Variants in ARHGAP44 observed in about 807,000 individuals in gnomAD.
ARHGAP44 encodes rho GTPase-activating protein 44.
ARHGAP44 carries 43 observed loss-of-function variants against 106.8 expected under a neutral mutation model. That is an observed-to-expected ratio of 0.40 (90% CI 0.32 to 0.52). The LOEUF (loss-of-function observed/expected upper bound fraction) is 0.52. ARHGAP44 is among the 20% of genes least tolerant of loss of function. ARHGAP44 has a pLI of 0.48. For synonymous variants in ARHGAP44, 439 were observed against 410.3 expected (o/e 1.07, Z -0.85); for missense variants, 866 against 1,050.5 (o/e 0.82, Z 2.43).
intron 1 of ARHGAP44, among the ~76,000 whole-genome samples, chr17:12,851,821 C>T (rs1462887474): frequency 2.0e-5 from 3 of 152,040 alleles, no homozygotes; most frequent in Non-Finnish European, 2.9e-5. Flanking sequence ...AAGTCATGAA[C>T]GCTTTTGTGT....
At chr17:12,794,588 C>G (rs1027173321) in intron 1 of ARHGAP44, among the ~76,000 whole-genome samples, 4 of 152,086 alleles carry the variant, frequency 2.6e-5, no homozygotes, top group African/African-American at 9.6e-5. Flanking sequence ...TGTGGGTGTG[C>G]GGGAAGGAGA....
chr17:12,833,953 A>ATT (rs140967569), intron 1 of ARHGAP44, among the ~76,000 whole-genome samples: 1 of 143,662 alleles, frequency 7.0e-6, no homozygotes. Flanking sequence ...TAGATTGTGA[A>ATT]TTTTTTTTTT....
intron 1 of ARHGAP44, among the ~76,000 whole-genome samples, chr17:12,833,373 C>T (rs916969822): frequency 2.0e-5 from 3 of 152,116 alleles, no homozygotes; most frequent in Non-Finnish European, 4.4e-5. Flanking sequence ...GAAGCTGATA[C>T]CCAACTAGCT....
At chr17:12,944,654 T>TG (rs1462340934) in intron 10 of ARHGAP44, among the ~76,000 whole-genome samples, 3 of 145,822 alleles carry the variant, frequency 2.1e-5, no homozygotes, top group Non-Finnish European at 3.0e-5. Flanking sequence ...CCCAGCTAAT[T>TG]TTTTTTTTTT....
At chr17:12,889,983 T>G (rs1472732198) in intron 1 of ARHGAP44, among the ~76,000 whole-genome samples, 1 of 152,226 alleles carries the variant, frequency 6.6e-6, no homozygotes, top group East Asian at 1.9e-4. Context: ...TTGAGCATAC[T>G]GGGGTGGAGG....
chr17:12,887,459 T>G (rs1567669259), intron 1 of ARHGAP44, among the ~76,000 whole-genome samples: 2 of 152,176 alleles, frequency 1.3e-5, no homozygotes, highest in Non-Finnish European at 2.9e-5. Flanking sequence ...CAGGCTGGTC[T>G]CAAACTCCTA....
Position 12,894,952 on chromosome 17 carries a change from A to T in ARHGAP44, c.66A>T (p.Thr22=), listed in dbSNP as rs778027349. Residue 22 remains threonine (T), a synonymous_variant, in exon 2 of 21, where the codon ACA becomes ACT. Transcript: ENST00000379672. ...ANQTVGRAEK[T]EVLSEDLLQV... is the part of the protein sequence containing the mutation. ...ATGTTCTTTTTAGGGCTGAAAAGAC[A>T]GAAGTTTTGAGTGAAGACCTTCTTC... 8.2e-6 allele frequency: 13 copies of T among 1,589,106 alleles called. No individual in the cohort carries two copies. The East Asian group carries it at 2.3e-4, about 28-fold the overall frequency.
intron 3 of ARHGAP44, among the ~76,000 whole-genome samples, chr17:12,899,660 G>A (rs973721011): frequency 1.4e-5 from 2 of 146,140 alleles, no homozygotes; most frequent in African/African-American, 5.1e-5. Context: ...CTCGGGAATT[G>A]AATGTTAAGG....
chr17:12,837,732 A>C (rs1181168432), intron 1 of ARHGAP44, among the ~76,000 whole-genome samples: 3 of 152,120 alleles, frequency 2.0e-5, no homozygotes, highest in Non-Finnish European at 4.4e-5. Context: ...TGTGGGAGGT[A>C]TCATGGGGAT....
chr17:12,848,884 TA>T (rs1019184172), intron 1 of ARHGAP44, among the ~76,000 whole-genome samples: 1 of 151,880 alleles, frequency 6.6e-6, no homozygotes, highest in Non-Finnish European at 1.5e-5. Flanking sequence ...CCGTCTCTAC[TA>T]AAAAAATACA....
At chr17:12,925,026 G>C (rs1386205019) in intron 6 of ARHGAP44, among the ~76,000 whole-genome samples, 1 of 152,110 alleles carries the variant, frequency 6.6e-6, no homozygotes, top group African/African-American at 2.4e-5. Context: ...GTGAAGTCTT[G>C]TTAGAACTGG....
chr17:12,861,546 A>G (rs1279160180), intron 1 of ARHGAP44, among the ~76,000 whole-genome samples: 1 of 151,854 alleles, frequency 6.6e-6, no homozygotes, highest in Non-Finnish European at 1.5e-5. Flanking sequence ...GCCGTCTTCA[A>G]AGCCAGTAGC....
intron 1 of ARHGAP44, among the ~76,000 whole-genome samples, chr17:12,800,115 AG>A (rs1294362138): frequency 4.6e-5 from 7 of 152,238 alleles, no homozygotes; most frequent in Admixed American, 4.6e-4. Flanking sequence ...AATAAATGAC[AG>A]TTATTACCAA....
At chr17:12,915,614 A>G (rs372826360) in intron 4 of ARHGAP44, among the ~76,000 whole-genome samples, 6 of 152,180 alleles carry the variant, frequency 3.9e-5, no homozygotes, top group Admixed American at 2.0e-4. Flanking sequence ...CCTCAGAGAT[A>G]GAAGCATGTG....
At chr17:12,952,389 A>T in intron 12 of ARHGAP44, 112 bp from the exon 13 acceptor site, 1 of 834,836 alleles carries the variant, frequency 1.2e-6, no homozygotes, top group Non-Finnish European at 1.9e-6. Flanking sequence ...GCTTGCTGAT[A>T]TGGTCAGTTA....
In ARHGAP44 at chr17:12,795,576, A is replaced by G. The variant is rs150268942; in HGVS notation, c.53+5685A>G. 1.3e-3 allele frequency among the ~76,000 whole-genome samples: 200 copies of G among 151,112 alleles called. 1 individual carries two copies. Among genetic ancestry groups the G allele is most frequent in the African/African-American group, 4.4e-3 (179 of 41,078 alleles). On this transcript the variant is annotated intron_variant, in intron 1 of 20. Transcript: ENST00000379672. ...TAAGGACCATTTTTTTTTTCTCTAG[A>G]GAAAGTGGATCAGTAGCCATACAAA...
intron 1 of ARHGAP44, among the ~76,000 whole-genome samples, chr17:12,883,393 T>C (rs2036794902): frequency 6.6e-6 from 1 of 151,766 alleles, no homozygotes. Flanking sequence ...TTTTATTGTT[T>C]TTTCTTCTAA....
intron 16 of ARHGAP44, among the ~76,000 whole-genome samples, chr17:12,963,478 C>T (rs2039312837): frequency 6.6e-6 from 1 of 151,906 alleles, no homozygotes; most frequent in South Asian, 2.1e-4. Flanking sequence ...CAGCTCCAAG[C>T]TCTGAGAAGG....
intron 5 of ARHGAP44, among the ~76,000 whole-genome samples, chr17:12,919,385 T>C (rs1489357510): frequency 1.3e-5 from 1 of 75,352 alleles, no homozygotes. Context: ...AGAATAGTTC[T>C]TCTTTTTTTT....
Sources: gnomAD v4.1 joint callset for allele counts (sites outside exome capture counted in the v4.1 genomes callset) on GRCh38, gnomAD v4.1.1 for gene constraint, MANE v1.5 for transcripts, NCBI Gene and HGNC (gene_info 2026-07-23, HGNC 2026-07-21) for gene names.